Variants in AFF1 observed in about 807,000 individuals in gnomAD.
AFF1 encodes ALF transcription elongation factor 1, also known as AF4/FMR2 family member 1.
A neutral mutation model predicts 121.7 loss-of-function variants in AFF1; 48 were observed. The ratio of observed to expected loss-of-function variants is 0.39; its 90% confidence interval spans 0.31 to 0.50. AFF1 has a LOEUF of 0.50. Ranked by LOEUF, AFF1 falls within the 20% of genes least tolerant of loss-of-function variation. AFF1 has a pLI of 0.76. For synonymous variants in AFF1, 613 were observed against 563.0 expected (o/e 1.09, Z -1.26); for missense variants, 1,523 against 1,511.7 (o/e 1.01, Z -0.12).
rs1043970116 is a variant in AFF1 at position 87,136,707 on chromosome 4, A to G, written c.*1006A>G. 5 of 229,010 alleles carry G rather than the reference A, an allele frequency of 2.2e-5. No individual in the cohort carries two copies. The highest frequency in any genetic ancestry group is 5.7e-5 in the Admixed American group (1 of 17,652). 14.2% of individuals were successfully genotyped at this position (229,010 alleles called of 1,614,324 possible). On this transcript the variant is annotated 3_prime_UTR_variant, in exon 21 of 21. Coordinates refer to ENST00000395146, the MANE Select transcript of AFF1 (RefSeq NM_001166693.3). ...GTGGTCTACAGTTATGTGGTAACTC[A>G]TGTTGTCCAGCCAACTCAGAGTTTC... is the stretch of plus-strand genomic sequence containing the variant.
At chr4:87,106,370 G>A (rs547350266) in intron 10 of AFF1, among the ~76,000 whole-genome samples, 3 of 152,170 alleles carry the variant, frequency 2.0e-5, no homozygotes, top group African/African-American at 7.2e-5. Context: ...GTGACAGAGC[G>A]AGACTCTGTC....
At chr4:86,961,492 T>G (rs1023438759) in intron 2 of AFF1, among the ~76,000 whole-genome samples, 13 of 151,918 alleles carry the variant, frequency 8.6e-5, no homozygotes, top group Non-Finnish European at 1.8e-4. Flanking sequence ...GGAGATAGTT[T>G]CAGCATGGCT....
chr4:87,094,269 T>C (rs1228411710), intron 7 of AFF1, among the ~76,000 whole-genome samples: 1 of 152,216 alleles, frequency 6.6e-6, no homozygotes, highest in African/African-American at 2.4e-5. Context: ...AGAGCAACCA[T>C]TCTGTGATTT....
intron 2 of AFF1, among the ~76,000 whole-genome samples, chr4:87,037,564 C>T (rs1252104067): frequency 6.6e-6 from 1 of 152,144 alleles, no homozygotes; most frequent in Non-Finnish European, 1.5e-5. Flanking sequence ...CTGCCCGCCT[C>T]GGCCTCCCAA....
At chr4:87,131,268 A>G in intron 17 of AFF1, 49 bp downstream of exon 17, 1 of 1,602,064 alleles carries the variant, frequency 6.2e-7, no homozygotes. Context: ...TTCTTTCCTC[A>G]CCTTTATTGT....
At chr4:86,996,485 G>A (rs1725211406) in intron 2 of AFF1, among the ~76,000 whole-genome samples, 1 of 151,636 alleles carries the variant, frequency 6.6e-6, no homozygotes, top group South Asian at 2.1e-4. Context: ...TGGATTAAGG[G>A]CGGTGCAAGA....
chr4:87,045,712 T>C (rs768202061), intron 2 of AFF1, among the ~76,000 whole-genome samples: 2 of 152,238 alleles, frequency 1.3e-5, no homozygotes, highest in Non-Finnish European at 1.5e-5. Context: ...ATAAGCCTTT[T>C]GATTTTAATC....
rs1285365564 is a variant in AFF1, at chr4:86,951,623, CTTT to C, written c.38+3068_38+3070del. Among the ~76,000 whole-genome samples, 127 of 69,450 alleles carry C rather than the reference CTTT, an allele frequency of 1.8e-3. 1 individual carries two copies. Among genetic ancestry groups the C allele is most frequent in the African/African-American group, 5.5e-3 (120 of 21,684 alleles). 45.6% of individuals were successfully genotyped at this position (69,450 alleles called of 152,430 possible). A position where few individuals can be genotyped will look rare whatever the true frequency, so the allele number is the denominator to read the frequency against. On this transcript the variant is annotated intron_variant, in intron 2 of 20. Coordinates refer to ENST00000395146, the MANE Select transcript of AFF1 (RefSeq NM_001166693.3). ...TTTTCTTTTTCTTTTTTCTTTTTTT[CTTT>C]TTTTTTTTTTTTTTTGAGACGGAGT... is the stretch of plus-strand genomic sequence containing the variant.
At chr4:86,954,976 T>G (rs1721636505) in intron 2 of AFF1, among the ~76,000 whole-genome samples, 2 of 152,164 alleles carry the variant, frequency 1.3e-5, no homozygotes, top group Non-Finnish European at 2.9e-5. Flanking sequence ...TGTAATCACT[T>G]TACCTTTTAC....
chr4:87,121,582 C>CA (rs111764687), intron 12 of AFF1, among the ~76,000 whole-genome samples: 5,993 of 152,266 alleles, frequency 0.039, 395 homozygotes, highest in African/African-American at 0.14. Context: ...GCATAGTGTA[C>CA]AAAAAACCAC....
rs144598701 is a variant in AFF1 at position 87,131,833 on chromosome 4, C to T, written c.3142C>T (p.Pro1048Ser). 755 of 1,591,276 alleles carry T rather than the reference C, an allele frequency of 4.7e-4. 2 individuals are homozygous for T. The highest frequency in any genetic ancestry group is 2.9e-3 in the South Asian group (250 of 86,102). ...AAAATCCTTCTCAGATGCCACAGCG[C>T]CAACACAAGAGAAAATATTTGCTGT... Reference protein sequence around the residue: ...SLKSFSDATAPTQEKIFAVLC... With the variant: ...SLKSFSDATASTQEKIFAVLC... The change falls in exon 18 of 21, where the codon CCA becomes TCA. Residue 1048 changes from proline (P) to serine (S), a missense_variant. Around this residue, in one of 5 missense-constraint regions of AFF1, gnomAD observed 241 missense variants for 265.2 expected, o/e 0.91. Coordinates refer to ENST00000395146, the MANE Select transcript of AFF1 (RefSeq NM_001166693.3).
chr4:87,000,893 A>G (rs1386245280), intron 2 of AFF1, among the ~76,000 whole-genome samples: 1 of 152,166 alleles, frequency 6.6e-6, no homozygotes, highest in Non-Finnish European at 1.5e-5. Flanking sequence ...GAATGTTGAA[A>G]AACTGTAAAT....
chr4:87,117,760 A>G (rs1475438390), intron 12 of AFF1, among the ~76,000 whole-genome samples: 1 of 152,224 alleles, frequency 6.6e-6, no homozygotes, highest in Admixed American at 6.5e-5. Flanking sequence ...TCAGAGAATC[A>G]TGTGTCGTTT....
rs897238074 is a variant in AFF1, at chr4:87,137,437, G to A, written c.*1736G>A. 8.7e-6 allele frequency: 2 copies of A among 230,938 alleles called. No homozygotes were observed. Among genetic ancestry groups the A allele is most frequent in the Non-Finnish European group, 1.7e-5 (2 of 116,592 alleles). 14.3% of individuals were successfully genotyped at this position (230,938 alleles called of 1,614,324 possible). ...ATGCTTATCTCTCACAGTGTGAGTG[G>A]TCTGTGTGAGGCTGTTCCTTCAGTT... On this transcript the variant is annotated 3_prime_UTR_variant, in exon 21 of 21. Transcript: ENST00000395146.
intron 15 of AFF1, 56 bp downstream of exon 15, chr4:87,127,173 C>CT: frequency 4.6e-6 from 6 of 1,296,242 alleles, no homozygotes; most frequent in Non-Finnish European, 5.4e-6. Flanking sequence ...GCTTCCCCCC[C>CT]CCACCAAGAT....
intron 4 of AFF1, among the ~76,000 whole-genome samples, chr4:87,066,910 A>G (rs971117189): frequency 2.6e-5 from 4 of 152,210 alleles, no homozygotes; most frequent in African/African-American, 7.2e-5. Flanking sequence ...TTCAGAATTT[A>G]TTAGAAACAT....
chr4:87,113,094 G>T (rs978193380), intron 11 of AFF1, among the ~76,000 whole-genome samples: 1 of 152,218 alleles, frequency 6.6e-6, no homozygotes, highest in Non-Finnish European at 1.5e-5. Context: ...CTGGAGAGAC[G>T]TGGTGGGATG....
intron 4 of AFF1, among the ~76,000 whole-genome samples, chr4:87,070,616 GTTAT>G (rs1721934571): frequency 6.6e-6 from 1 of 152,236 alleles, no homozygotes; most frequent in Non-Finnish European, 1.5e-5. Flanking sequence ...CATCCAAGAT[GTTAT>G]TTGTTGTTTC....
chr4:86,962,569 A>T (rs540430828), intron 2 of AFF1, among the ~76,000 whole-genome samples: 1 of 152,270 alleles, frequency 6.6e-6, no homozygotes, highest in Admixed American at 6.5e-5. Context: ...CCTGAGGTTT[A>T]AAAGTTTGGG....
Sources: gnomAD v4.1 joint callset for allele counts (sites outside exome capture counted in the v4.1 genomes callset) on GRCh38, gnomAD v4.1.1 for gene constraint, gnomAD v4.1.1 regional missense constraint, MANE v1.5 for transcripts, NCBI Gene and HGNC (gene_info 2026-07-23, HGNC 2026-07-21) for gene names.